Variants in EPHX3 observed in about 807,000 individuals in gnomAD.
EPHX3 encodes abhydrolase domain containing 9.
A neutral mutation model predicts 40.2 loss-of-function variants in EPHX3; 39 were observed. The observed-to-expected ratio is 0.97, with a 90% CI of 0.75 to 1.27. The LOEUF (loss-of-function observed/expected upper bound fraction) is 1.27, where lower values mean the gene tolerates loss of function less well. Ranked by LOEUF, EPHX3 falls within the 50% of genes most tolerant of loss-of-function variation. EPHX3 has a pLI of 0.00. For synonymous variants in EPHX3, 213 were observed against 209.7 expected (o/e 1.02, Z -0.14); for missense variants, 442 against 474.0 (o/e 0.93, Z 0.63).
intron 4 of EPHX3, among the ~76,000 whole-genome samples, chr19:15,229,897 AAAAAAAAAAAAAAAG>A (rs1472179976): frequency 1.4e-5 from 2 of 141,900 alleles, no homozygotes; most frequent in Non-Finnish European, 3.1e-5. Context: ...AAAAAAAAAA[AAAAAAAAAAAAAAAG>A]AAAAGAAAAG....
At chr19:15,230,811 G>A in intron 4 of EPHX3, 151 bp downstream of exon 4, 1 of 1,011,018 alleles carries the variant, frequency 9.9e-7, no homozygotes, top group East Asian at 2.7e-5. Flanking sequence ...ATTTCCGAAT[G>A]AGGAGTTCCA....
At chr19:15,230,898 C>T in intron 4 of EPHX3, 64 bp downstream of exon 4, 1 of 1,586,872 alleles carries the variant, frequency 6.3e-7, no homozygotes, top group Non-Finnish European at 8.6e-7. Flanking sequence ...ATTGAAAACA[C>T]AGACACATGT....
Position 15,232,224 on chromosome 19 carries a change from C to T in EPHX3, c.-13G>A. 6.7e-7 allele frequency: 1 copy of T among 1,486,052 alleles called. No individual in the cohort carries two copies. Among genetic ancestry groups the T allele is most frequent in the Non-Finnish European group, 8.9e-7 (1 of 1,128,932 alleles). 92.1% of individuals were successfully genotyped at this position (1,486,052 alleles called of 1,614,324 possible). A position where few individuals can be genotyped will look rare whatever the true frequency, so the allele number is the denominator to read the frequency against. On this transcript the variant is annotated 5_prime_UTR_variant, in exon 1 of 7. Coordinates refer to ENST00000221730, the MANE Select transcript of EPHX3 (RefSeq NM_024794.3). ...CCAGCTCCGGCATGTCGCCGCGCTC[C>T]GGGACCACGGCGGCGCTGCCGGCCA...
rs2047116893 is a variant in EPHX3, at chr19:15,227,019, C to G, written c.*418G>C. On this transcript the variant is annotated 3_prime_UTR_variant, in exon 7 of 7. Coordinates refer to ENST00000221730, the MANE Select transcript of EPHX3 (RefSeq NM_024794.3). ...CAGCAGTATTGTATTCAGAGTAGCA[C>G]TGAGCTGAAGACCCAGGCAGGAGGT... 4.3e-6 allele frequency: 1 copy of G among 235,196 alleles called. No homozygotes were observed. The highest frequency in any genetic ancestry group is 5.1e-5 in the Admixed American group (1 of 19,764). The allele number at this position is 235,196 out of a possible 1,614,324, so 14.6% of individuals were successfully genotyped here.
intron 4 of EPHX3, among the ~76,000 whole-genome samples, chr19:15,228,711 GGGTTTCACAGT>G (rs1159816686): frequency 6.6e-6 from 1 of 151,566 alleles, no homozygotes; most frequent in Non-Finnish European, 1.5e-5. Context: ...AGTAGAGACA[GGGTTTCACAGT>G]GTTAGCCAGG....
chr19:15,232,680 C>A (rs1174445122), upstream of EPHX3, among the ~76,000 whole-genome samples: 5 of 152,110 alleles, frequency 3.3e-5, no homozygotes, highest in African/African-American at 4.8e-5. Flanking sequence ...AGCTCGAGAC[C>A]AGCCTGGGCA....
upstream of EPHX3, among the ~76,000 whole-genome samples, chr19:15,235,071 G>A (rs764699552): frequency 2.0e-4 from 30 of 150,928 alleles, no homozygotes; most frequent in Non-Finnish European, 3.5e-4. Flanking sequence ...GTGTGATCTC[G>A]GCTCACCGCA....
chr19:15,232,143 GA>G lies in EPHX3; in HGVS notation c.68del (p.Phe23SerfsTer20). 6.5e-7 allele frequency: 1 copy of G among 1,535,834 alleles called. No homozygotes were observed. Among genetic ancestry groups the G allele is most frequent in the Admixed American group, 2.0e-5 (1 of 51,012 alleles). Reference sequence around the variant, plus strand: ...CCACCGAGAACACCAGGCTCCACATGAAGGCGCGCAGCAGCTTCAGCGACAG... The same window carrying G: ...CCACCGAGAACACCAGGCTCCACATGAGGCGCGCAGCAGCTTCAGCGACAG... ...SRLSLKLLRA[F>X]MWSLVFSVAL... On this transcript the variant is annotated frameshift_variant, in exon 1 of 7. Coordinates refer to ENST00000221730, the MANE Select transcript of EPHX3 (RefSeq NM_024794.3). LOFTEE classifies it high-confidence loss of function.
chr19:15,227,234 C>G lies in EPHX3; in HGVS notation c.*203G>C. 1.7e-6 allele frequency: 1 copy of G among 592,668 alleles called. No homozygotes were observed. The highest frequency in any genetic ancestry group is 2.8e-5 in the East Asian group (1 of 35,800). The allele number at this position is 592,668 out of a possible 1,614,324, so 36.7% of individuals were successfully genotyped here. A position where few individuals can be genotyped will look rare whatever the true frequency, so the allele number is the denominator to read the frequency against. On this transcript the variant is annotated 3_prime_UTR_variant, in exon 7 of 7. Coordinates refer to ENST00000221730, the MANE Select transcript of EPHX3 (RefSeq NM_024794.3). ...AGTGTTTGTTACACACACATGCATC[C>G]ATGCCTGTGTGTGAGTATAGGGGTT...
intron 4 of EPHX3, among the ~76,000 whole-genome samples, chr19:15,228,340 G>A (rs2047128530): frequency 6.6e-6 from 1 of 152,156 alleles, no homozygotes; most frequent in African/African-American, 2.4e-5. Flanking sequence ...ATCCAAAGGT[G>A]TGCTTCCTCT....
upstream of EPHX3, among the ~76,000 whole-genome samples, chr19:15,234,764 ACTGTC>A (rs562496686): frequency 1.2e-3 from 188 of 152,260 alleles, no homozygotes; most frequent in African/African-American, 4.2e-3. Flanking sequence ...ATACCTTTGT[ACTGTC>A]AAGGCTGCTA....
intron 4 of EPHX3, among the ~76,000 whole-genome samples, chr19:15,229,885 C>CAAAAAAAAAAAA (rs546876108): frequency 0.032 from 295 of 9,358 alleles, 64 homozygotes; most frequent in Non-Finnish European, 0.041. Context: ...GACTCTGTCT[C>CAAAAAAAAAAAA]AAAAAAAAAA....
chr19:15,236,887 A>G (rs756010352), upstream of EPHX3: 5 of 199,336 alleles, frequency 2.5e-5, no homozygotes, highest in East Asian at 7.6e-5. Context: ...GACCAAATGC[A>G]TATTCACCGT....
upstream of EPHX3, among the ~76,000 whole-genome samples, chr19:15,235,335 CAATT>C (rs1465415483): frequency 6.6e-6 from 1 of 151,858 alleles, no homozygotes; most frequent in African/African-American, 2.4e-5. Context: ...TCCATTAAAT[CAATT>C]ATCTCACAAT....
At position 15,231,179 on chromosome 19, in the gene EPHX3, G is replaced by C. The variant is rs1171503051; in HGVS notation, c.487+60C>G. 6 of 1,612,080 alleles carry C rather than the reference G, an allele frequency of 3.7e-6. No individual in the cohort carries two copies. The East Asian group carries it at 1.3e-4, about 36-fold the overall frequency. On this transcript the variant is annotated intron_variant, in intron 3 of 6. Coordinates refer to ENST00000221730, the MANE Select transcript of EPHX3 (RefSeq NM_024794.3). Reference sequence around the variant, plus strand: ...AAGTAGGTTCCAGCAAGGAGAAAGCGGGGGTATGCGTGTGTGCAGGATGAG... The same window carrying C: ...AAGTAGGTTCCAGCAAGGAGAAAGCCGGGGTATGCGTGTGTGCAGGATGAG...
At position 15,231,785 on chromosome 19, in the gene EPHX3, G is replaced by T; in HGVS notation, c.320C>A (p.Pro107His). 6.2e-7 allele frequency: 1 copy of T among 1,613,966 alleles called. No homozygotes were observed. Among genetic ancestry groups the T allele is most frequent in the South Asian group, 1.1e-5 (1 of 91,074 alleles). The change falls in exon 2 of 7, where the codon CCT (proline) becomes CAT (histidine). Residue 107 changes from proline (P) to histidine (H), a missense_variant. Pro to His is a moderately conservative substitution (Grantham distance 77). Transcript: ENST00000221730. ...GPLMLFLHGF[P>H]ENWFSWRYQL... ...CTGGCCCCAGACGTACCAGTTCTCAGGGAAGCCGTGCAGAAACAGCATGAG... is the reference window on the plus strand; with the variant it reads ...CTGGCCCCAGACGTACCAGTTCTCATGGAAGCCGTGCAGAAACAGCATGAG...
At chr19:15,235,878 A>G (rs2047188672), upstream of EPHX3, 1 of 152,240 alleles carries the variant, frequency 6.6e-6, no homozygotes, top group African/African-American at 2.4e-5. Flanking sequence ...CTTCAGCAGG[A>G]AGCTGCAGAG....
At position 15,232,053 on chromosome 19, in the gene EPHX3, G is replaced by T. The variant is rs1478677883; in HGVS notation, c.159C>A (p.Arg53=). 1.9e-6 allele frequency: 3 copies of T among 1,580,800 alleles called. No individual in the cohort carries two copies. The highest frequency in any genetic ancestry group is 2.6e-6 in the Non-Finnish European group (3 of 1,169,928). Residue 53 remains arginine (R), a synonymous_variant, in exon 1 of 7, where the codon CGC becomes CGA. Transcript: ENST00000221730. ...ALTHVLCRPR[R]GCCGRRRSAS... is the part of the protein sequence containing the mutation. ...CGCTCCGACGGCGCCCGCAGCAGCCGCGCCGGGGCCGGCACAGCACGTGCG... is the reference window on the plus strand; with the variant it reads ...CGCTCCGACGGCGCCCGCAGCAGCCTCGCCGGGGCCGGCACAGCACGTGCG...
chr19:15,232,433 G>A lies in EPHX3; in HGVS notation c.-222C>T, dbSNP rs560277750. On this transcript the variant is annotated 5_prime_UTR_variant, in exon 1 of 7. Coordinates refer to ENST00000221730, the MANE Select transcript of EPHX3 (RefSeq NM_024794.3). The stretch of plus-strand genomic sequence containing the variant: ...CAGGTAAACACCTGGGCGCGACAGG[G>A]ACAGGAAACAAGGGTAGGGTGCGGA... 7.4e-7 allele frequency: 1 copy of A among 1,351,808 alleles called. No individual in the cohort carries two copies. Among genetic ancestry groups the A allele is most frequent in the South Asian group, 1.8e-5 (1 of 55,058 alleles). 83.7% of individuals were successfully genotyped at this position (1,351,808 alleles called of 1,614,324 possible).
Sources: gnomAD v4.1 joint callset for allele counts (sites outside exome capture counted in the v4.1 genomes callset) on GRCh38, gnomAD v4.1.1 for gene constraint, MANE v1.5 for transcripts, NCBI Gene and HGNC (gene_info 2026-07-23, HGNC 2026-07-21) for gene names.